CLASP1: variants seen among roughly 807,000 people sequenced by gnomAD.
CLASP1 encodes the protein CLIP-associating protein 1.
CLASP1 carries 38 observed loss-of-function variants against 192.3 expected under a neutral mutation model. The observed-to-expected ratio is 0.20, with a 90% CI of 0.15 to 0.26. The LOEUF is 0.26. Among genes scored for constraint, CLASP1 ranks in the 10% least tolerant of loss-of-function variants. The pLI is 1.00. For synonymous variants in CLASP1, 691 were observed against 712.8 expected (o/e 0.97, Z 0.49); for missense variants, 1,433 against 1,932.5 (o/e 0.74, Z 4.85).
At chr2:121,557,868 G>A (rs2058718693) in intron 2 of CLASP1, among the ~76,000 whole-genome samples, 1 of 151,874 alleles carries the variant, frequency 6.6e-6, no homozygotes, top group African/African-American at 2.4e-5. Flanking sequence ...GGATCACAAA[G>A]TCAGGAGTTC....
chr2:121,374,319 A>G (rs1172548677), intron 34 of CLASP1, among the ~76,000 whole-genome samples: 1 of 152,220 alleles, frequency 6.6e-6, no homozygotes, highest in Non-Finnish European at 1.5e-5. Context: ...GGGAGCCTCT[A>G]CCTAGATTTT....
At chr2:121,507,342 G>A (rs959907795) in intron 7 of CLASP1, among the ~76,000 whole-genome samples, 17 of 152,098 alleles carry the variant, frequency 1.1e-4, no homozygotes, top group Admixed American at 7.9e-4. Context: ...TTTGAGCTGA[G>A]ACAAGAAGGA....
chr2:121,582,713 T>C (rs2061336031), intron 2 of CLASP1, among the ~76,000 whole-genome samples: 1 of 152,038 alleles, frequency 6.6e-6, no homozygotes, highest in South Asian at 2.1e-4. Context: ...TTCTTCTGGC[T>C]GTTAAAATGC....
intron 23 of CLASP1, among the ~76,000 whole-genome samples, chr2:121,412,799 T>C (rs546507721): frequency 6.6e-6 from 1 of 152,336 alleles, no homozygotes; most frequent in Non-Finnish European, 1.5e-5. Context: ...GAAATGTTTA[T>C]CTGGATCTAA....
intron 1 of CLASP1, among the ~76,000 whole-genome samples, chr2:121,621,654 A>G (rs897561728): frequency 2.6e-5 from 4 of 152,180 alleles, no homozygotes; most frequent in African/African-American, 9.7e-5. Context: ...TTCTCATTCT[A>G]TGCCATTGAT....
intron 1 of CLASP1, among the ~76,000 whole-genome samples, chr2:121,633,007 C>CAT (rs71398038): frequency 0.13 from 14,706 of 115,228 alleles, 1,106 homozygotes; most frequent in East Asian, 0.2. Flanking sequence ...TATGTGTGTG[C>CAT]ATATATATAT....
At chr2:121,649,210 C>A (rs1204477114) in intron 1 of CLASP1, among the ~76,000 whole-genome samples, 162 bp downstream of exon 1, 1 of 152,088 alleles carries the variant, frequency 6.6e-6, no homozygotes, top group East Asian at 1.9e-4. Context: ...CCTCGCCAGG[C>A]TCCCACCTCA....
chr2:121,363,924 T>G (rs899360886), intron 36 of CLASP1, among the ~76,000 whole-genome samples: 1 of 152,134 alleles, frequency 6.6e-6, no homozygotes, highest in Non-Finnish European at 1.5e-5. Context: ...AGCCAGAAAG[T>G]ACATCCTGAT....
At chr2:121,483,150 T>C (rs2092716194) in intron 8 of CLASP1, among the ~76,000 whole-genome samples, 1 of 152,156 alleles carries the variant, frequency 6.6e-6, no homozygotes, top group Admixed American at 6.5e-5. Context: ...CATCTGGGCA[T>C]CCTACTTTAT....
rs902642779 is a variant in CLASP1 at position 121,526,113 on chromosome 2, T to A, written c.471-193A>T. On this transcript the variant is annotated intron_variant, in intron 5 of 39. Transcript: ENST00000263710. ...GCCCCTTTGCACAGAGTTCAAAACC[T>A]AGGGTGGCTTCTCCCAGATAAGTCT... The A allele has an allele frequency of 5.0e-6, 3 of 598,016 alleles. No individual in the cohort carries two copies. The African/African-American group carries it at 5.6e-5, about 11-fold the overall frequency. 37.0% of individuals were successfully genotyped at this position (598,016 alleles called of 1,614,324 possible). A position where few individuals can be genotyped will look rare whatever the true frequency, so the allele number is the denominator to read the frequency against.
At chr2:121,597,790 A>C (rs1165997600) in intron 2 of CLASP1, among the ~76,000 whole-genome samples, 1 of 152,212 alleles carries the variant, frequency 6.6e-6, no homozygotes, top group Non-Finnish European at 1.5e-5. Context: ...TGTGGTGTGG[A>C]TGTGAGGCTG....
Position 121,581,525 on chromosome 2 carries a change from C to T in CLASP1, c.195+24176G>A, listed in dbSNP as rs186739580. On this transcript the variant is annotated intron_variant, in intron 2 of 39. Transcript: ENST00000263710. ...TCCTGACCTCATGATCCACCCGCCT[C>T]GGCCTCCCAAAGTGCTGGGATTACA... 8.7e-3 allele frequency among the ~76,000 whole-genome samples: 1,330 copies of T among 152,120 alleles called. 14 individuals carry two copies. The highest frequency in any genetic ancestry group is 0.03 in the African/African-American group (1,247 of 41,480).
intron 1 of CLASP1, among the ~76,000 whole-genome samples, chr2:121,646,294 G>C (rs777034698): frequency 6.6e-6 from 1 of 152,090 alleles, no homozygotes; most frequent in Non-Finnish European, 1.5e-5. Flanking sequence ...TGAATTTTCT[G>C]TAGAGACACA....
intron 17 of CLASP1, among the ~76,000 whole-genome samples, chr2:121,448,622 T>C (rs997705061): frequency 1.3e-5 from 2 of 152,224 alleles, no homozygotes; most frequent in African/African-American, 4.8e-5. Flanking sequence ...ATTTCCAAAC[T>C]TGTCTCCAGG....
At chr2:121,479,274 G>T (rs1449504918) in intron 8 of CLASP1, among the ~76,000 whole-genome samples, 3 of 151,744 alleles carry the variant, frequency 2.0e-5, no homozygotes, top group African/African-American at 7.3e-5. Flanking sequence ...ACTTGATTTG[G>T]TATGTAGAAA....
At chr2:121,445,671 CAG>C (rs1206679590) in intron 19 of CLASP1, among the ~76,000 whole-genome samples, 2 of 152,136 alleles carry the variant, frequency 1.3e-5, no homozygotes, top group Non-Finnish European at 2.9e-5. Context: ...TCTCAGGAAA[CAG>C]AGAATTTGAA....
chr2:121,492,961 G>C (rs2093383934), intron 8 of CLASP1, among the ~76,000 whole-genome samples: 1 of 152,154 alleles, frequency 6.6e-6, no homozygotes, highest in South Asian at 2.1e-4. Context: ...GCAGCTATCT[G>C]TGACTATACT....
intron 8 of CLASP1, chr2:121,490,456 A>G (rs1358040667): frequency 8.8e-6 from 2 of 227,148 alleles, no homozygotes; most frequent in East Asian, 1.5e-4. Context: ...ACTAACAATG[A>G]TTTTGTAAAA....
chr2:121,382,455 A>G, intron 32 of CLASP1, 131 bp from the exon 34 acceptor site: 2 of 606,086 alleles, frequency 3.3e-6, no homozygotes, highest in South Asian at 4.6e-5. Context: ...AGTTAATCAG[A>G]GCAAAATTAG....
Sources: allele counts gnomAD v4.1 joint callset (sites outside exome capture counted in the v4.1 genomes callset), GRCh38; gene constraint gnomAD v4.1.1; transcripts MANE v1.5; gene names NCBI Gene and HGNC (gene_info 2026-07-23, HGNC 2026-07-21).